Variants in ADGRF5 observed in about 807,000 individuals in gnomAD.
ADGRF5 encodes G-protein coupled receptor 116.
Under a neutral mutation model 132.3 loss-of-function variants are expected in ADGRF5, and 75 were observed. That is an observed-to-expected ratio of 0.57 (90% CI 0.47 to 0.69). The LOEUF (loss-of-function observed/expected upper bound fraction) is 0.69. Among genes scored for constraint, ADGRF5 ranks in the 30% least tolerant of loss-of-function variants. The probability of loss-of-function intolerance (pLI) is 0.00; values close to 1 mark genes in which losing one functional copy is unlikely to be tolerated. For synonymous variants in ADGRF5, 629 were observed against 597.6 expected (o/e 1.05, Z -0.77); for missense variants, 1,516 against 1,630.6 (o/e 0.93, Z 1.21).
At chr6:46,871,483 G>T (rs959667021) in intron 11 of ADGRF5, among the ~76,000 whole-genome samples, 1 of 151,958 alleles carries the variant, frequency 6.6e-6, no homozygotes, top group African/African-American at 2.4e-5. Flanking sequence ...AGTAATGAGG[G>T]AAAAGGGGAA....
chr6:46,892,318 G>A (rs2150864523), intron 3 of ADGRF5, among the ~76,000 whole-genome samples: 1 of 152,112 alleles, frequency 6.6e-6, no homozygotes, highest in East Asian at 1.9e-4. Flanking sequence ...ATTGTTAAAT[G>A]TGTCTTTAGA....
chr6:46,869,955 C>T (rs1770864831), intron 11 of ADGRF5, among the ~76,000 whole-genome samples: 1 of 151,902 alleles, frequency 6.6e-6, no homozygotes, highest in Non-Finnish European at 1.5e-5. Flanking sequence ...AAGACTATTA[C>T]AAATATAAAA....
chr6:46,919,888 C>T (rs1451435562), intron 1 of ADGRF5, among the ~76,000 whole-genome samples: 2 of 152,166 alleles, frequency 1.3e-5, no homozygotes. Flanking sequence ...TTCCCAAAGG[C>T]TCTCTCCATA....
In ADGRF5 at chr6:46,879,873, G is replaced by T; in HGVS notation, c.981C>A (p.Asn327Lys). 2 of 1,614,100 alleles carry T rather than the reference G, an allele frequency of 1.2e-6. No individual in the cohort carries two copies. Among genetic ancestry groups the T allele is most frequent in the Non-Finnish European group, 1.7e-6 (2 of 1,179,966 alleles). The change falls in exon 9 of 21, where the codon AAC becomes AAA. Residue 327 changes from asparagine (N) to lysine (K), a missense_variant. Coordinates refer to ENST00000283296, the MANE Select transcript of ADGRF5 (RefSeq NM_001098518.2). ...TGAGCTTGGACACCGAAGTCATGTTGTTGAAAAGTGCGGTGTAAATCGAGA... is the reference window on the plus strand; with the variant it reads ...TGAGCTTGGACACCGAAGTCATGTTTTTGAAAAGTGCGGTGTAAATCGAGA... ...SRFSIYTALF[N>K]NMTSVSKLTI...
Position 46,858,172 on chromosome 6 carries a change from T to TTGG in ADGRF5, c.3728_3730dup (p.Thr1243dup), listed in dbSNP as rs1769273808. On this transcript the variant is annotated inframe_insertion, in exon 17 of 21. Transcript: ENST00000283296. ...GGCAAATATGATATGGAACACAAGG[T>TTGG]TGGTCCCTGGGAACACAGTGGTGAG... 6.2e-7 allele frequency: 1 copy of TTGG among 1,613,822 alleles called. No homozygotes were observed. The highest frequency in any genetic ancestry group is 1.3e-5 in the African/African-American group (1 of 74,892).
chr6:46,879,215 T>C, intron 9 of ADGRF5, among the ~76,000 whole-genome samples: 1 of 150,964 alleles, frequency 6.6e-6, no homozygotes, highest in East Asian at 1.9e-4. Context: ...ATGAAAATAA[T>C]TATATTATAT....
In ADGRF5 at chr6:46,860,818, G is replaced by C; in HGVS notation, c.2276C>G (p.Ala759Gly). The part of the protein sequence containing the change: ...LKDLSISIDK[A>G]EHEISSSPGS... The stretch of plus-strand genomic sequence containing the variant: ...AGGAGAAGAGCTGATTTCATGTTCC[G>C]CTTTGTCTATGCTAATAGAAAGATC... The change falls in exon 16 of 21, where the codon GCG (alanine) becomes GGG (glycine). Residue 759 changes from alanine to glycine, a missense_variant. Physicochemically the swap from Ala to Gly is moderately conservative, Grantham distance 60. Coordinates refer to ENST00000283296, the MANE Select transcript of ADGRF5 (RefSeq NM_001098518.2). 6.2e-7 allele frequency: 1 copy of C among 1,613,290 alleles called. No homozygotes were observed. Among genetic ancestry groups the C allele is most frequent in the Non-Finnish European group, 8.5e-7 (1 of 1,179,248 alleles).
At chr6:46,953,341 G>A (rs1250240088) in intron 1 of ADGRF5, among the ~76,000 whole-genome samples, 2 of 152,074 alleles carry the variant, frequency 1.3e-5, no homozygotes, top group Non-Finnish European at 2.9e-5. Context: ...TTTCACTGAG[G>A]TCGGGCACCA....
chr6:46,872,032 T>G lies in ADGRF5; in HGVS notation c.1241-19A>C. ...GGGGTTCCTATAATGAGAAGCAAAT[T>G]GTTGCCATCCCAGCTGGCTAACTCT... is the stretch of plus-strand genomic sequence containing the variant. On this transcript the variant is annotated intron_variant, in intron 10 of 20. Transcript: ENST00000283296. 1 of 1,563,614 alleles carries G rather than the reference T, an allele frequency of 6.4e-7. No individual in the cohort carries two copies. Among genetic ancestry groups the G allele is most frequent in the South Asian group, 1.2e-5 (1 of 85,530 alleles).
At chr6:46,883,766 G>C in intron 5 of ADGRF5, 101 bp from the exon 6 acceptor site, 1 of 677,038 alleles carries the variant, frequency 1.5e-6, no homozygotes, top group Non-Finnish European at 2.5e-6. Context: ...GTTTCAGATG[G>C]AGTCTCCCTC....
chr6:46,915,255 G>A (rs958459728), intron 1 of ADGRF5, among the ~76,000 whole-genome samples: 13 of 151,374 alleles, frequency 8.6e-5, no homozygotes, highest in Non-Finnish European at 2.9e-5. Flanking sequence ...TCTACCATGT[G>A]TTAGGTAAGC....
At chr6:46,929,795 T>C (rs1287238177) in intron 1 of ADGRF5, among the ~76,000 whole-genome samples, 1 of 150,760 alleles carries the variant, frequency 6.6e-6, no homozygotes, top group Non-Finnish European at 1.5e-5. Context: ...ATATTCTTCT[T>C]ATTATTTTTA....
Position 46,867,099 on chromosome 6 carries a change from T to C in ADGRF5, c.1660A>G (p.Ser554Gly). The C allele has an allele frequency of 6.2e-7, 1 of 1,612,684 alleles. No homozygotes were observed. Residue 554 changes from serine (S) to glycine (G), a missense_variant, in exon 13 of 21, where the codon AGT becomes GGT. Transcript: ENST00000283296. The stretch of plus-strand genomic sequence containing the variant: ...ACAATGACGTCTTTGGTTGCAATAC[T>C]GTATGAATTCTTATATCTAAATATG... ...HCIFRYKNSY[S>G]IATKDVIVHP...
At position 46,879,306 on chromosome 6, in the gene ADGRF5, G is replaced by GA. The variant is rs139651507; in HGVS notation, c.1036+511_1036+512insT. On this transcript the variant is annotated intron_variant, in intron 9 of 20. Transcript: ENST00000283296. ...TACCACGGTGATATGATTTGGCTCT[G>GA]TGTCCCCTCCCAAATCTCATGTCGA... is the stretch of plus-strand genomic sequence containing the variant. Among the ~76,000 whole-genome samples, 1,382 of 149,018 alleles carry GA rather than the reference G, an allele frequency of 9.3e-3. 24 individuals carry two copies. The highest frequency in any genetic ancestry group is 0.034 in the African/African-American group (1,291 of 38,526).
chr6:46,855,151 T>C (rs895912710), intron 20 of ADGRF5, among the ~76,000 whole-genome samples: 4 of 152,222 alleles, frequency 2.6e-5, no homozygotes, highest in African/African-American at 7.2e-5. Flanking sequence ...ATTCCATTCA[T>C]TTCATATCTC....
At chr6:46,906,822 A>T in intron 1 of ADGRF5, 36 bp from the exon 2 acceptor site, 1 of 876,714 alleles carries the variant, frequency 1.1e-6, no homozygotes, top group Non-Finnish European at 1.9e-6. Context: ...ATATACAGCA[A>T]TTTATTTCTT....
In ADGRF5 at chr6:46,906,645, T is replaced by A; in HGVS notation, c.102+16A>T. 1 of 1,220,442 alleles carries A rather than the reference T, an allele frequency of 8.2e-7. No homozygotes were observed. Among genetic ancestry groups the A allele is most frequent in the Non-Finnish European group, 1.2e-6 (1 of 833,424 alleles). 75.6% of individuals were successfully genotyped at this position (1,220,442 alleles called of 1,614,324 possible). On this transcript the variant is annotated intron_variant, in intron 2 of 20. Coordinates refer to ENST00000283296, the MANE Select transcript of ADGRF5 (RefSeq NM_001098518.2). ...ATGTGACAAGAAAAATTATAGCAGA[T>A]ATGGATATAACTCACCAAAGGATGA... is the stretch of plus-strand genomic sequence containing the variant.
intron 10 of ADGRF5, among the ~76,000 whole-genome samples, chr6:46,877,292 TC>T (rs772492500): frequency 2.3e-3 from 102 of 45,322 alleles, no homozygotes; most frequent in African/African-American, 5.5e-3. Flanking sequence ...TCTTTCTTTC[TC>T]TCTCTCTCTC....
intron 11 of ADGRF5, among the ~76,000 whole-genome samples, chr6:46,871,571 C>A (rs115524129): frequency 0.025 from 3,817 of 152,244 alleles, 54 homozygotes; most frequent in Middle Eastern, 0.037. Context: ...TCCCACTCCA[C>A]CTCCTGCATT....
Sources: allele counts gnomAD v4.1 joint callset (sites outside exome capture counted in the v4.1 genomes callset), GRCh38; gene constraint gnomAD v4.1.1; transcripts MANE v1.5; gene names NCBI Gene and HGNC (gene_info 2026-07-23, HGNC 2026-07-21).